The following GALNT12 variants were observed in gnomAD, a reference collection of about 807,000 sequenced individuals.
The protein encoded by GALNT12 is polypeptide N-acetylgalactosaminyltransferase 12.
In GALNT12, 45 loss-of-function variants were observed where a neutral mutation model predicts 55.5. The ratio of observed to expected loss-of-function variants is 0.81; its 90% CI spans 0.64 to 1.04. The LOEUF is 1.04. GALNT12 is among the 50% of genes least tolerant of loss of function. The probability of loss-of-function intolerance (pLI) is 0.00; values close to 1 mark genes in which losing one functional copy is unlikely to be tolerated. For synonymous variants in GALNT12, 304 were observed against 312.2 expected, an observed-to-expected ratio of 0.97 and a Z score of 0.28; for missense variants, 709 against 754.8, an observed-to-expected ratio of 0.94 and a Z score of 0.71.
chr9:98,836,566 A>G (rs940787359), intron 5 of GALNT12, among the ~76,000 whole-genome samples: 1 of 150,384 alleles, frequency 6.6e-6, no homozygotes, highest in African/African-American at 2.5e-5. Context: ...ACCTGTTTCT[A>G]GACGCTCTTC....
rs1183648101 is a variant in GALNT12 at position 98,823,273 on chromosome 9, A to T, written c.389A>T (p.Tyr130Phe). Residue 130 changes from tyrosine (Y) to phenylalanine (F), a missense_variant, in exon 2 of 10, where the codon TAT (tyrosine) becomes TTT (phenylalanine). Coordinates refer to ENST00000375011, the MANE Select transcript of GALNT12 (RefSeq NM_024642.5). ...ATTTGCAGGTGCAAAGAGAAGAAAT[A>T]TGATTATGATAATTTGCCCAGGACA... The part of the protein sequence containing the change: ...RWNPLCKEKK[Y>F]DYDNLPRTSV... 5 of 1,614,084 alleles carry T rather than the reference A, an allele frequency of 3.1e-6. No individual in the cohort carries two copies. The East Asian group carries it at 1.1e-4, about 36-fold the overall frequency.
chr9:98,836,901 T>C (rs1274300718), intron 5 of GALNT12, 71 bp from the exon 6 acceptor site: 3 of 1,543,444 alleles, frequency 1.9e-6, no homozygotes, highest in Non-Finnish European at 8.9e-7. Flanking sequence ...CTGGCCTCTT[T>C]GCTGCAGATA....
At chr9:98,840,801 A>G (rs532379062) in intron 7 of GALNT12, among the ~76,000 whole-genome samples, 1 of 152,316 alleles carries the variant, frequency 6.6e-6, no homozygotes, top group Non-Finnish European at 1.5e-5. Flanking sequence ...GAGATTCTAG[A>G]ATTTTCAAGA....
At position 98,831,897 on chromosome 9, in the gene GALNT12, C is replaced by G; in HGVS notation, c.857C>G (p.Thr286Arg). The G allele has an allele frequency of 1.2e-6, 2 of 1,614,108 alleles. No homozygotes were observed. Among genetic ancestry groups the G allele is most frequent in the South Asian group, 2.2e-5 (2 of 91,068 alleles). ...IGGFDWRLVF[T>R]WHTVPERERI... The stretch of plus-strand genomic sequence containing the variant: ...GGTTTCGACTGGAGGCTGGTGTTCA[C>G]GTGGCACACAGTTCCTGAGAGGGAG... The change falls in exon 4 of 10, where the codon ACG becomes AGG. Residue 286 changes from threonine (T) to arginine (R), a missense_variant. Physicochemically the swap from Thr to Arg is moderately conservative, Grantham distance 71 (BLOSUM62 -1). Around this residue, in one of 5 missense-constraint regions of GALNT12, gnomAD observed 315 missense variants for 288.6 expected, o/e 1.09. Transcript: ENST00000375011.
chr9:98,835,342 A>G lies in GALNT12; in HGVS notation c.1011A>G (p.Gly337=), dbSNP rs781422155. ...ATACAGGAATGGAAGTTTGGGGAGG[A>G]GAAAACCTCGAATTTTCCTTTAGGG... ...SYDTGMEVWG[G]ENLEFSFRIW... Residue 337 remains glycine (G), a synonymous_variant, in exon 5 of 10, where the codon GGA becomes GGG. Coordinates refer to ENST00000375011, the MANE Select transcript of GALNT12 (RefSeq NM_024642.5). 1 of 1,609,330 alleles carries G rather than the reference A, an allele frequency of 6.2e-7. No homozygotes were observed. The highest frequency in any genetic ancestry group is 2.2e-5 in the East Asian group (1 of 44,856).
Position 98,849,466 on chromosome 9 carries a change from C to T in GALNT12, c.*374C>T. ...TTTTATTTTGGTATTTACAAGAATT[C>T]CCAGGTACGAAGATATCTGCATGGG... On this transcript the variant is annotated 3_prime_UTR_variant, in exon 10 of 10. Transcript: ENST00000375011. The T allele has an allele frequency of 1.9e-6, 1 of 534,124 alleles. No individual in the cohort carries two copies. The highest frequency in any genetic ancestry group is 3.3e-6 in the Non-Finnish European group (1 of 306,964). The allele number at this position is 534,124 out of a possible 1,614,324, so 33.1% of individuals were successfully genotyped here.
chr9:98,847,706 A>G (rs1186092387), intron 9 of GALNT12, among the ~76,000 whole-genome samples: 2 of 152,076 alleles, frequency 1.3e-5, no homozygotes, highest in Non-Finnish European at 2.9e-5. Context: ...ATATATATAT[A>G]TAAAACAAAT....
At chr9:98,844,543 C>T in intron 8 of GALNT12, 1 of 332,934 alleles carries the variant, frequency 3.0e-6, no homozygotes, top group Non-Finnish European at 5.7e-6. Flanking sequence ...TCATTTTGTA[C>T]CTGTATTACT....
At chr9:98,843,731 A>G (rs1320612966) in intron 7 of GALNT12, among the ~76,000 whole-genome samples, 1 of 152,124 alleles carries the variant, frequency 6.6e-6, no homozygotes, top group African/African-American at 2.4e-5. Flanking sequence ...CTTTGTGTCT[A>G]TCGCCTGCTT....
At chr9:98,846,695 A>AC (rs1379497939) in intron 9 of GALNT12, among the ~76,000 whole-genome samples, 3 of 62,700 alleles carry the variant, frequency 4.8e-5, no homozygotes, top group African/African-American at 1.9e-4. Context: ...CCCCATCTCT[A>AC]CTTAAAAAAA....
intron 1 of GALNT12, among the ~76,000 whole-genome samples, chr9:98,811,589 GT>G (rs1835496656): frequency 6.6e-6 from 1 of 151,886 alleles, no homozygotes; most frequent in African/African-American, 2.4e-5. Context: ...ACTTGCTCTG[GT>G]TTTAGGCTTG....
intron 7 of GALNT12, among the ~76,000 whole-genome samples, chr9:98,842,069 TTG>T (rs1836302405): frequency 1.4e-5 from 1 of 72,112 alleles, no homozygotes; most frequent in Non-Finnish European, 3.0e-5. Context: ...ATCTACTGGG[TTG>T]TTTTTTTTTT....
Position 98,845,864 on chromosome 9 carries a change from C to A in GALNT12, c.1459-113C>A, listed in dbSNP as rs1588459392. ...ACACAGGCTCGTGTTGGTGGTGACG[C>A]AGGTGCATGACCCCACCCATGCTCT... On this transcript the variant is annotated intron_variant, in intron 8 of 9. Transcript: ENST00000375011. The A allele has an allele frequency of 7.3e-6, 8 of 1,097,356 alleles. 1 individual carries two copies. In the Admixed American group the frequency reaches 1.2e-4, roughly 16 times the overall value. The allele number at this position is 1,097,356 out of a possible 1,614,324, so 68.0% of individuals were successfully genotyped here. A position where few individuals can be genotyped will look rare whatever the true frequency, so the allele number is the denominator to read the frequency against.
At chr9:98,831,534 T>G (rs1046625913) in intron 3 of GALNT12, among the ~76,000 whole-genome samples, 2 of 152,224 alleles carry the variant, frequency 1.3e-5, no homozygotes, top group Non-Finnish European at 2.9e-5. Context: ...TCAGAGCATA[T>G]TAAAGTCATG....
intron 1 of GALNT12, 100 bp from the exon 2 acceptor site, chr9:98,823,156 C>T (rs775111458): frequency 3.1e-5 from 34 of 1,097,370 alleles, no homozygotes; most frequent in Non-Finnish European, 2.2e-5. Context: ...GATTATGTCC[C>T]CTTCCGCAGG....
At chr9:98,828,623 C>T (rs1322956015) in intron 3 of GALNT12, among the ~76,000 whole-genome samples, 1 of 152,144 alleles carries the variant, frequency 6.6e-6, no homozygotes, top group East Asian at 1.9e-4. Context: ...TTTTCCACCT[C>T]GGTTGTCTGT....
chr9:98,844,290 T>G (rs1241604139), intron 8 of GALNT12, 81 bp downstream of exon 8: 1 of 943,866 alleles, frequency 1.1e-6, no homozygotes, highest in Non-Finnish European at 1.7e-6. Flanking sequence ...CTTGTAAAAG[T>G]AATATTTGGG....
At chr9:98,841,747 T>G (rs770636873) in intron 7 of GALNT12, among the ~76,000 whole-genome samples, 9 of 152,040 alleles carry the variant, frequency 5.9e-5, no homozygotes, top group Non-Finnish European at 1.2e-4. Flanking sequence ...CTCAGCTCAC[T>G]GCAACCTCTG....
intron 1 of GALNT12, among the ~76,000 whole-genome samples, chr9:98,818,470 C>T (rs761453766): frequency 1.3e-5 from 2 of 152,068 alleles, no homozygotes; most frequent in South Asian, 2.1e-4. Context: ...GGTCATCTGC[C>T]GGCCTCGGCC....
Sources: allele counts gnomAD v4.1 joint callset (sites outside exome capture counted in the v4.1 genomes callset), GRCh38; gene constraint gnomAD v4.1.1; regional missense constraint gnomAD v4.1.1; transcripts MANE v1.5; gene names NCBI Gene and HGNC (gene_info 2026-07-23, HGNC 2026-07-21).